ABLIM1: variants seen among roughly 807,000 people sequenced by gnomAD.
ABLIM1 encodes actin binding LIM protein 1, also known as actin-binding LIM protein 1.
ABLIM1 carries 40 observed loss-of-function variants against 107.0 expected under a neutral mutation model. The ratio of observed to expected loss-of-function variants is 0.37; its 90% CI spans 0.29 to 0.49. ABLIM1 has a LOEUF of 0.49. Among genes scored for constraint, ABLIM1 ranks in the 20% least tolerant of loss-of-function variants. The pLI is 0.97. For missense variants in ABLIM1, 857 were observed against 1,008.5 expected (o/e 0.85, Z 2.04); for synonymous variants, 357 against 357.3 (o/e 1.00, Z 0.01).
At chr10:114,471,286 G>A (rs769027027) in intron 10 of ABLIM1, among the ~76,000 whole-genome samples, 2 of 152,068 alleles carry the variant, frequency 1.3e-5, no homozygotes, top group Admixed American at 6.6e-5. Flanking sequence ...GCTGGGAAAC[G>A]CACACAGACA....
chr10:114,465,941 A>T, intron 11 of ABLIM1, 114 bp from the exon 12 acceptor site: 1 of 1,207,060 alleles, frequency 8.3e-7, no homozygotes, highest in Admixed American at 2.5e-5. Flanking sequence ...TTTGATTAAT[A>T]TATGCACTTA....
chr10:114,489,441 C>T (rs929086577), intron 7 of ABLIM1, among the ~76,000 whole-genome samples: 4 of 152,152 alleles, frequency 2.6e-5, no homozygotes, highest in Non-Finnish European at 4.4e-5. Flanking sequence ...AGAAAAAATA[C>T]ATTTTATATC....
At chr10:114,671,005 A>G (rs2080231581) in intron 1 of ABLIM1, among the ~76,000 whole-genome samples, 1 of 152,218 alleles carries the variant, frequency 6.6e-6, no homozygotes, top group Non-Finnish European at 1.5e-5. Flanking sequence ...TGTGTGTACA[A>G]CTGTATAACC....
At chr10:114,508,341 A>C (rs1201042750) in intron 6 of ABLIM1, among the ~76,000 whole-genome samples, 1 of 152,132 alleles carries the variant, frequency 6.6e-6, no homozygotes, top group Non-Finnish European at 1.5e-5. Context: ...GCAGGAGGAG[A>C]TGGTTACATT....
chr10:114,648,954 A>C (rs922159492), intron 1 of ABLIM1, among the ~76,000 whole-genome samples: 1 of 152,220 alleles, frequency 6.6e-6, no homozygotes, highest in Admixed American at 6.5e-5. Flanking sequence ...AACTTAAAAA[A>C]AAAAATTAAT....
At chr10:114,476,841 G>T (rs2056516470) in intron 8 of ABLIM1, among the ~76,000 whole-genome samples, 1 of 151,950 alleles carries the variant, frequency 6.6e-6, no homozygotes. Flanking sequence ...GTTTCAAGTG[G>T]CCAGGATCTC....
In ABLIM1 at chr10:114,619,249, C is replaced by T. The variant is rs867145487; in HGVS notation, c.245-17288G>A. On this transcript the variant is annotated intron_variant, in intron 1 of 22. Transcript: ENST00000533213. This position sits in a 1 kb window ranked among gnomAD's most constrained non-coding sequence, Gnocchi z 4.1. Reference sequence around the variant, plus strand: ...TCTTGCTCTGTCACCCAGGCTGGAGCGCAGTGGCACGATCTTAGCTCACTG... The same window carrying T: ...TCTTGCTCTGTCACCCAGGCTGGAGTGCAGTGGCACGATCTTAGCTCACTG... Among the ~76,000 whole-genome samples, 3 of 149,516 alleles carry T rather than the reference C, an allele frequency of 2.0e-5. No homozygotes were observed. Among genetic ancestry groups the T allele is most frequent in the South Asian group, 4.2e-4 (2 of 4,708 alleles).
intron 1 of ABLIM1, among the ~76,000 whole-genome samples, chr10:114,715,676 AC>A (rs2081645342): frequency 6.6e-6 from 1 of 152,082 alleles, no homozygotes; most frequent in Non-Finnish European, 1.5e-5. Context: ...GTTCTTCCTG[AC>A]CTCAGCCCTC....
intron 1 of ABLIM1, among the ~76,000 whole-genome samples, chr10:114,620,090 A>G (rs926049981): frequency 1.3e-5 from 2 of 152,218 alleles, no homozygotes. Flanking sequence ...TAAAAGTTTA[A>G]TTAGTTAGTG....
At chr10:114,676,308 C>T (rs1345103700) in intron 1 of ABLIM1, among the ~76,000 whole-genome samples, 1 of 152,098 alleles carries the variant, frequency 6.6e-6, no homozygotes, top group African/African-American at 2.4e-5. Flanking sequence ...AAAATACCGT[C>T]TCTACTAAAA....
At chr10:114,670,740 G>A (rs1246038067) in intron 1 of ABLIM1, among the ~76,000 whole-genome samples, 3 of 152,206 alleles carry the variant, frequency 2.0e-5, no homozygotes, top group African/African-American at 7.2e-5. Flanking sequence ...GCGATGAGAA[G>A]TTCAAGTCAA....
chr10:114,707,675 G>A lies in ABLIM1; in HGVS notation c.-213+60386C>T, dbSNP rs758891593. Among the ~76,000 whole-genome samples the A allele has an allele frequency of 2.2e-4, 33 of 152,150 alleles. No individual in the cohort carries two copies. Among genetic ancestry groups the A allele is most frequent in the Admixed American group, 1.2e-3 (19 of 15,286 alleles). On this transcript the variant is annotated intron_variant, in intron 1 of 15. Coordinates refer to the ABLIM1 transcript ENST00000651092. The surrounding 1 kb of genome is among the most constrained non-coding windows in gnomAD (Gnocchi z 4.1). The stretch of plus-strand genomic sequence containing the variant: ...AACACTTTGGGAGGCCGTGGTGGGC[G>A]GATCACTTAAGGCCAGGAGTTCGAG...
intron 6 of ABLIM1, among the ~76,000 whole-genome samples, chr10:114,497,144 T>C (rs2059768772): frequency 6.6e-6 from 1 of 152,208 alleles, no homozygotes. Context: ...AAACAGATAA[T>C]AAGCTTGCAA....
chr10:114,632,892 T>C (rs2078275290), intron 1 of ABLIM1: 3 of 601,046 alleles, frequency 5.0e-6, no homozygotes, highest in African/African-American at 2.0e-5. Flanking sequence ...CAGCAACTCC[T>C]CAGGAGGCTT....
intron 1 of ABLIM1, among the ~76,000 whole-genome samples, chr10:114,657,562 C>A (rs1591757684): frequency 1.3e-5 from 2 of 152,208 alleles, no homozygotes; most frequent in African/African-American, 4.8e-5. Flanking sequence ...ATTTGGACCT[C>A]AACTTTACTT....
intron 13 of ABLIM1, 132 bp from the exon 14 acceptor site, chr10:114,451,803 CA>C: frequency 1.3e-6 from 1 of 779,978 alleles, no homozygotes; most frequent in Non-Finnish European, 2.1e-6. Flanking sequence ...TTCTGTATTA[CA>C]AAGATTGAGT....
intron 1 of ABLIM1, among the ~76,000 whole-genome samples, chr10:114,621,425 C>A (rs988491983): frequency 1.3e-5 from 2 of 152,190 alleles, no homozygotes; most frequent in African/African-American, 4.8e-5. Flanking sequence ...ATAACCATCT[C>A]CCCGACCCAT....
chr10:114,731,318 T>C (rs1378013789), intron 1 of ABLIM1, among the ~76,000 whole-genome samples: 1 of 151,922 alleles, frequency 6.6e-6, no homozygotes, highest in East Asian at 1.9e-4. Flanking sequence ...TTTTTTTTAT[T>C]TTTAGTAGAA....
At chr10:114,594,533 T>A (rs916655088) in intron 2 of ABLIM1, among the ~76,000 whole-genome samples, 2 of 152,206 alleles carry the variant, frequency 1.3e-5, no homozygotes, top group Non-Finnish European at 2.9e-5. Context: ...GTGGATCACC[T>A]GAGGTCAGGA....
Sources: gnomAD v4.1 joint callset for allele counts (sites outside exome capture counted in the v4.1 genomes callset) on GRCh38, gnomAD v4.1.1 for gene constraint, Gnocchi (gnomAD v3.1) non-coding constraint, MANE v1.5 for transcripts, NCBI Gene and HGNC (gene_info 2026-07-23, HGNC 2026-07-21) for gene names.